Variants in KLF13 observed in about 807,000 individuals in gnomAD.
KLF13 encodes KLF transcription factor 13, also known as Krueppel-like factor 13.
Under a neutral mutation model 16.7 loss-of-function variants are expected in KLF13, and 8 were observed. The observed-to-expected ratio is 0.48, with a 90% CI of 0.28 to 0.87. KLF13 has a LOEUF of 0.87. Ranked by LOEUF, KLF13 falls within the 40% of genes least tolerant of loss-of-function variation. The pLI is 0.10. For missense variants in KLF13, 447 were observed against 452.2 expected, an observed-to-expected ratio of 0.99 and a Z score of 0.10; for synonymous variants, 245 against 208.4, an observed-to-expected ratio of 1.18 and a Z score of -1.51.
downstream of KLF13, among the ~76,000 whole-genome samples, chr15:31,405,933 T>C (rs918338943): frequency 3.3e-5 from 5 of 152,144 alleles, no homozygotes; most frequent in African/African-American, 1.2e-4. Flanking sequence ...ATAAGAGTCA[T>C]AATTAACATC....
chr15:31,334,629 T>C (rs778361898), intron 1 of KLF13, among the ~76,000 whole-genome samples: 1 of 152,176 alleles, frequency 6.6e-6, no homozygotes, highest in Non-Finnish European at 1.5e-5. Flanking sequence ...GGTTTCACCA[T>C]GTTGGCCAGG....
At chr15:31,383,083 C>G (rs1009450840) in intron 1 of KLF13, among the ~76,000 whole-genome samples, 1 of 152,236 alleles carries the variant, frequency 6.6e-6, no homozygotes, top group Non-Finnish European at 1.5e-5. Flanking sequence ...CAGCAGACTT[C>G]CTCTGCACCT....
chr15:31,418,517 A>G (rs1300707872), intron 1 of KLF13, among the ~76,000 whole-genome samples: 2 of 152,196 alleles, frequency 1.3e-5, no homozygotes, highest in Admixed American at 6.5e-5. Flanking sequence ...GAGTGCACAA[A>G]TAACACTATC....
Position 31,327,015 on chromosome 15 carries a change from C to A in KLF13, c.-198C>A, listed in dbSNP as rs1230996309. The A allele has an allele frequency of 1.8e-4, 48 of 270,700 alleles. No homozygotes were observed. Among genetic ancestry groups the A allele is most frequent in the Non-Finnish European group, 5.9e-6 (1 of 170,336 alleles). The allele number at this position is 270,700 out of a possible 1,614,324, so 16.8% of individuals were successfully genotyped here. ...GCCCCATGCGCTCACTCTTCGGTGC[C>A]CGGCCGGGCCGGCGCCTCGCAGACG... On this transcript the variant is annotated 5_prime_UTR_variant, in exon 1 of 2. Coordinates refer to ENST00000307145, the MANE Select transcript of KLF13 (RefSeq NM_015995.4).
rs2039624149 is a variant in KLF13 at position 31,375,228 on chromosome 15, G to A, written c.*2929G>A. On this transcript the variant is annotated 3_prime_UTR_variant, in exon 2 of 2. Transcript: ENST00000307145. ...AGGCACGGTTCACAGGGGTCCTCAA[G>A]GGCAGGTTTCCATTTCATCATGAAG... 1 of 152,224 alleles carries A rather than the reference G, an allele frequency of 6.6e-6. No homozygotes were observed. The highest frequency in any genetic ancestry group is 2.4e-5 in the African/African-American group (1 of 41,434). The allele number at this position is 152,224 out of a possible 1,614,324, so 9.4% of individuals were successfully genotyped here.
At chr15:31,405,284 A>C (rs1452621651), downstream of KLF13, among the ~76,000 whole-genome samples, 1 of 152,228 alleles carries the variant, frequency 6.6e-6, no homozygotes, top group African/African-American at 2.4e-5. Context: ...ACTGCACTCC[A>C]GTCTGGCCAA....
chr15:31,419,120 A>T (rs1397580118), intron 1 of KLF13, among the ~76,000 whole-genome samples: 3 of 152,146 alleles, frequency 2.0e-5, no homozygotes, highest in Non-Finnish European at 2.9e-5. Flanking sequence ...GCATCCCCCC[A>T]GAAAAGGCTT....
Position 31,372,101 on chromosome 15 carries a change from C to T in KLF13, c.669C>T (p.Gly223=), listed in dbSNP as rs142865735. Residue 223 remains glycine, a synonymous_variant, in exon 2 of 2, where the codon GGC becomes GGT. Coordinates refer to ENST00000307145, the MANE Select transcript of KLF13 (RefSeq NM_015995.4). The part of the protein sequence containing the change: ...ELARHYRTHT[G]EKKFSCPICE... ...CGCGGCACTACCGCACACACACGGG[C>T]GAGAAGAAGTTCAGCTGCCCCATCT... 1.5e-4 allele frequency: 239 copies of T among 1,612,878 alleles called. 1 individual carries two copies. The Middle Eastern group carries it at 3.8e-3, about 26-fold the overall frequency.
At chr15:31,336,050 A>T (rs1351926908) in intron 1 of KLF13, among the ~76,000 whole-genome samples, 2 of 152,326 alleles carry the variant, frequency 1.3e-5, no homozygotes, top group Non-Finnish European at 2.9e-5. Flanking sequence ...GGAGAGGATG[A>T]CGTGGGCTCA....
At position 31,413,187 on chromosome 15, in the gene KLF13, C is replaced by CAAAAAAAAAAAAAAA. The variant is rs1161762538; in HGVS notation, n.117+19497_117+19511dup. On this transcript the variant is annotated intron_variant and non_coding_transcript_variant, in intron 1 of 1. Coordinates refer to the KLF13 transcript ENST00000558225. ...GAAGAACAGAGAGAAAATGAATAGACAAAAAAAAAAAAAAACAAAAAACAA... is the reference window on the plus strand; with the variant it reads ...GAAGAACAGAGAGAAAATGAATAGACAAAAAAAAAAAAAAAAAAAAAAAAAAAAAACAAAAAACAA... Among the ~76,000 whole-genome samples, 52 of 62,810 alleles carry CAAAAAAAAAAAAAAA rather than the reference C, an allele frequency of 8.3e-4. 1 individual carries two copies. The highest frequency in any genetic ancestry group is 1.4e-3 in the African/African-American group (31 of 22,284). 41.2% of individuals were successfully genotyped at this position (62,810 alleles called of 152,430 possible). A position where few individuals can be genotyped will look rare whatever the true frequency, so the allele number is the denominator to read the frequency against.
chr15:31,386,268 CAGG>C (rs1007787492), intron 1 of KLF13, among the ~76,000 whole-genome samples: 3 of 152,308 alleles, frequency 2.0e-5, no homozygotes, highest in East Asian at 3.9e-4. Flanking sequence ...GAGACCAAGG[CAGG>C]AGGATCACCT....
intron 1 of KLF13, among the ~76,000 whole-genome samples, chr15:31,434,279 C>T (rs187426484): frequency 3.0e-4 from 46 of 152,308 alleles, no homozygotes; most frequent in African/African-American, 9.6e-4. Context: ...TACAGCTGCC[C>T]ACACAGTAAA....
intron 2 of KLF13, among the ~76,000 whole-genome samples, chr15:31,396,970 G>A (rs1234498958): frequency 3.3e-5 from 5 of 152,026 alleles, no homozygotes; most frequent in Non-Finnish European, 7.4e-5. Flanking sequence ...AAGCAAGATG[G>A]AGTTAGTTAA....
chr15:31,391,269 G>T (rs1418243948), upstream of KLF13, among the ~76,000 whole-genome samples: 1 of 130,710 alleles, frequency 7.7e-6, no homozygotes, highest in Non-Finnish European at 1.7e-5. Flanking sequence ...GTTGGGCTGT[G>T]GGGGGCTGAA....
intron 1 of KLF13, among the ~76,000 whole-genome samples, chr15:31,357,308 C>A (rs1359377399): frequency 6.6e-6 from 1 of 152,244 alleles, no homozygotes; most frequent in Non-Finnish European, 1.5e-5. Flanking sequence ...GCTCCCTCCA[C>A]ATCACCTGTC....
chr15:31,370,044 CT>C (rs912005994), intron 1 of KLF13, among the ~76,000 whole-genome samples: 3,390 of 99,324 alleles, frequency 0.034, 57 homozygotes, highest in African/African-American at 0.084. Flanking sequence ...TCTCCTTTTT[CT>C]TTTTTTTTTT....
Position 31,373,888 on chromosome 15 carries a change from TG to T in KLF13, c.*1597del, listed in dbSNP as rs141999530. The T allele has an allele frequency of 0.15, 11,941 of 80,584 alleles. 510 individuals carry two copies. The highest frequency in any genetic ancestry group is 0.23 in the African/African-American group (5,324 of 22,760). The allele number at this position is 80,584 out of a possible 1,614,324, so 5.0% of individuals were successfully genotyped here. ...CGCGCGTGAGCACACACGCGTGTGT[TG>T]GGGGGGGTGGGGGGATTGGGGTGGA... On this transcript the variant is annotated 3_prime_UTR_variant, in exon 2 of 2. Coordinates refer to ENST00000307145, the MANE Select transcript of KLF13 (RefSeq NM_015995.4).
At chr15:31,433,881 G>A (rs1245919288) in intron 1 of KLF13, among the ~76,000 whole-genome samples, 1 of 152,230 alleles carries the variant, frequency 6.6e-6, no homozygotes, top group Non-Finnish European at 1.5e-5. Flanking sequence ...TCCTGCAAAA[G>A]GTGTGGTTTG....
At chr15:31,365,723 G>A (rs2039457900) in intron 1 of KLF13, among the ~76,000 whole-genome samples, 1 of 152,138 alleles carries the variant, frequency 6.6e-6, no homozygotes, top group Non-Finnish European at 1.5e-5. Flanking sequence ...GCAGAGTGGA[G>A]TCCATGCCAC....
Sources: allele counts gnomAD v4.1 joint callset (sites outside exome capture counted in the v4.1 genomes callset), GRCh38; gene constraint gnomAD v4.1.1; transcripts MANE v1.5; gene names NCBI Gene and HGNC (gene_info 2026-07-23, HGNC 2026-07-21).